TAF5: variants seen among roughly 807,000 people sequenced by gnomAD.
TAF5 encodes transcription initiation factor TFIID subunit 5.
TAF5 carries 20 observed loss-of-function variants against 80.9 expected under a neutral mutation model. That is an observed-to-expected ratio of 0.25 (90% CI 0.17 to 0.36). TAF5 has a LOEUF of 0.36. Among genes scored for constraint, TAF5 ranks in the 10% least tolerant of loss-of-function variants. The probability of loss-of-function intolerance (pLI) is 1.00; values close to 1 mark genes in which losing one functional copy is unlikely to be tolerated. For missense variants in TAF5, 863 were observed against 1,029.4 expected, an observed-to-expected ratio of 0.84 and a Z score of 2.21; for synonymous variants, 388 against 406.4, an observed-to-expected ratio of 0.95 and a Z score of 0.55.
chr10:103,388,328 T>G lies in TAF5; in HGVS notation c.*105T>G, dbSNP rs2093402782. 4 of 1,009,220 alleles carry G rather than the reference T, an allele frequency of 4.0e-6. No individual in the cohort carries two copies. The South Asian group carries it at 6.5e-5, about 16-fold the overall frequency. 62.5% of individuals were successfully genotyped at this position (1,009,220 alleles called of 1,614,324 possible). The stretch of plus-strand genomic sequence containing the variant: ...TTAAGCTACAGAGAATGTTTTTGTC[T>G]ATATGGATCTGGAAGTATGCTGCTT... On this transcript the variant is annotated 3_prime_UTR_variant, in exon 11 of 11. Transcript: ENST00000369839.
chr10:103,383,161 C>T (rs1271124939), intron 6 of TAF5, 77 bp from the exon 7 acceptor site: 1 of 1,351,870 alleles, frequency 7.4e-7, no homozygotes, highest in Non-Finnish European at 9.9e-7. Flanking sequence ...TAATTCCTCT[C>T]CTGCACTGTG....
At chr10:103,383,965 T>A (rs1321468642) in intron 7 of TAF5, among the ~76,000 whole-genome samples, 2 of 151,880 alleles carry the variant, frequency 1.3e-5, no homozygotes, top group African/African-American at 4.8e-5. Context: ...TTTTTTTTTT[T>A]TAATTATTTT....
In TAF5 at chr10:103,368,115, C is replaced by T; in HGVS notation, c.126C>T (p.Asn42=). 1 of 1,406,392 alleles carries T rather than the reference C, an allele frequency of 7.1e-7. No homozygotes were observed. Among genetic ancestry groups the T allele is most frequent in the Non-Finnish European group, 9.2e-7 (1 of 1,081,816 alleles). The allele number at this position is 1,406,392 out of a possible 1,614,324, so 87.1% of individuals were successfully genotyped here. Residue 42 remains asparagine, a synonymous_variant, in exon 1 of 11, where the codon AAC becomes AAT. Coordinates refer to ENST00000369839, the MANE Select transcript of TAF5 (RefSeq NM_006951.5). ...AGGGTAGCGGCGGCACTACCAACAA[C>T]GGCCCCAACGGCGGCGGCGGGAACG... ...AGEGSGGTTN[N]GPNGGGGNVA...
intron 2 of TAF5, among the ~76,000 whole-genome samples, chr10:103,376,752 A>T (rs1160792988): frequency 1.3e-5 from 2 of 152,132 alleles, no homozygotes; most frequent in Non-Finnish European, 2.9e-5. Flanking sequence ...ACAAAAAGTA[A>T]ACAAAAATTG....
At position 103,373,495 on chromosome 10, in the gene TAF5, C is replaced by A. The variant is rs912992685; in HGVS notation, c.697C>A (p.Arg233=). The A allele has an allele frequency of 2.5e-6, 4 of 1,614,074 alleles. No homozygotes were observed. Among genetic ancestry groups the A allele is most frequent in the Admixed American group, 1.7e-5 (1 of 60,004 alleles). ...CATTGAATGTTCCCTGGACTGCCAT[C>A]GGGCAGAGTTGTCCCAACTTTTTTA... The part of the protein sequence containing the change: ...HFIECSLDCH[R]AELSQLFYPL... The change falls in exon 2 of 11, where the codon CGG becomes AGG. Residue 233 remains arginine (R), a synonymous_variant. Coordinates refer to ENST00000369839, the MANE Select transcript of TAF5 (RefSeq NM_006951.5).
chr10:103,370,754 A>C (rs576308989), intron 1 of TAF5, among the ~76,000 whole-genome samples: 1 of 152,302 alleles, frequency 6.6e-6, no homozygotes, highest in East Asian at 1.9e-4. Context: ...CATGCAGTAA[A>C]ACTCATATAC....
chr10:103,371,601 TG>T lies in TAF5; in HGVS notation c.560-1755del, dbSNP rs112488541. Reference sequence around the variant, plus strand: ...AATACTTACGTTTTCTGTTTTGAAGTGGTGGTTATGGAAATTGTCTTAAGCA... The same window carrying T: ...AATACTTACGTTTTCTGTTTTGAAGTGTGGTTATGGAAATTGTCTTAAGCA... On this transcript the variant is annotated intron_variant, in intron 1 of 10. Transcript: ENST00000369839. Among the ~76,000 whole-genome samples, 575 of 152,364 alleles carry T rather than the reference TG, an allele frequency of 3.8e-3. 1 individual carries two copies. Among genetic ancestry groups the T allele is most frequent in the African/African-American group, 0.012 (482 of 41,592 alleles).
chr10:103,380,092 A>C, intron 5 of TAF5, 73 bp downstream of exon 5: 1 of 1,491,652 alleles, frequency 6.7e-7, no homozygotes, highest in Non-Finnish European at 9.0e-7. Context: ...AGAGAGAAAC[A>C]AATGTATTAG....
intron 3 of TAF5, 58 bp from the exon 4 acceptor site, chr10:103,379,549 TA>T: frequency 7.4e-7 from 1 of 1,348,240 alleles, no homozygotes; most frequent in Non-Finnish European, 1.0e-6. Flanking sequence ...TATCAAGATG[TA>T]AAATGGGTAT....
rs968302166 is a variant in TAF5, at chr10:103,368,060, T to C, written c.71T>C (p.Leu24Pro). 64 of 1,433,454 alleles carry C rather than the reference T, an allele frequency of 4.5e-5. No homozygotes were observed. The highest frequency in any genetic ancestry group is 1.8e-4 in the Middle Eastern group (1 of 5,406). The allele number at this position is 1,433,454 out of a possible 1,614,324, so 88.8% of individuals were successfully genotyped here. A position where few individuals can be genotyped will look rare whatever the true frequency, so the allele number is the denominator to read the frequency against. Residue 24 changes from leucine (L) to proline (P), a missense_variant, in exon 1 of 11, where the codon CTA becomes CCA. Physicochemically the swap from Leu to Pro is moderately conservative, Grantham distance 98. Transcript: ENST00000369839. Reference sequence around the variant, plus strand: ...GAGCCTGAGGGACCGCCAACGCTGCTACCTCCGCAGGCGGGGGACGGCGCA... The same window carrying C: ...GAGCCTGAGGGACCGCCAACGCTGCCACCTCCGCAGGCGGGGGACGGCGCA... Reference protein sequence around the residue: ...KLEPEGPPTLLPPQAGDGAGE... With the variant: ...KLEPEGPPTLPPPQAGDGAGE...
Position 103,388,500 on chromosome 10 carries a change from G to T in TAF5, c.*277G>T. Reference sequence around the variant, plus strand: ...GAAACTATGCATTTTCTGTTCAAATGCTATTTTAATTTATTACATTTAGAA... The same window carrying T: ...GAAACTATGCATTTTCTGTTCAAATTCTATTTTAATTTATTACATTTAGAA... On this transcript the variant is annotated 3_prime_UTR_variant, in exon 11 of 11. Coordinates refer to ENST00000369839, the MANE Select transcript of TAF5 (RefSeq NM_006951.5). 1 of 240,646 alleles carries T rather than the reference G, an allele frequency of 4.2e-6. No homozygotes were observed. Among genetic ancestry groups the T allele is most frequent in the Non-Finnish European group, 8.0e-6 (1 of 125,304 alleles). 14.9% of individuals were successfully genotyped at this position (240,646 alleles called of 1,614,324 possible).
Position 103,388,257 on chromosome 10 carries a change from G to A in TAF5, c.*34G>A. 1 of 1,560,722 alleles carries A rather than the reference G, an allele frequency of 6.4e-7. No homozygotes were observed. The highest frequency in any genetic ancestry group is 8.7e-7 in the Non-Finnish European group (1 of 1,149,114). On this transcript the variant is annotated 3_prime_UTR_variant, in exon 11 of 11. Coordinates refer to ENST00000369839, the MANE Select transcript of TAF5 (RefSeq NM_006951.5). Reference sequence around the variant, plus strand: ...TATTAAAGACCTTTTGGAAGCTACTGTTTTTAAAAAGGGAGACTAAAAGCA... The same window carrying A: ...TATTAAAGACCTTTTGGAAGCTACTATTTTTAAAAAGGGAGACTAAAAGCA...
At position 103,388,965 on chromosome 10, in the gene TAF5, A is replaced by G. The variant is rs2133641588; in HGVS notation, c.*742A>G. 6.5e-6 allele frequency: 1 copy of G among 152,788 alleles called. No homozygotes were observed. Among genetic ancestry groups the G allele is most frequent in the East Asian group, 1.9e-4 (1 of 5,196 alleles). The allele number at this position is 152,788 out of a possible 1,614,324, so 9.5% of individuals were successfully genotyped here. A position where few individuals can be genotyped will look rare whatever the true frequency, so the allele number is the denominator to read the frequency against. On this transcript the variant is annotated 3_prime_UTR_variant, in exon 11 of 11. Transcript: ENST00000369839. ...CTTGCTTTGGGAAACTAAAAGATTT[A>G]GACCAAGTCACTGCCAGTTTTTGCC...
intron 10 of TAF5, 55 bp from the exon 11 acceptor site, chr10:103,387,951 G>A: frequency 1.3e-6 from 2 of 1,517,866 alleles, no homozygotes; most frequent in Admixed American, 3.4e-5. Flanking sequence ...TGGACAAAAT[G>A]TCCGAATGTA....
At chr10:103,372,480 G>A (rs1189713417) in intron 1 of TAF5, among the ~76,000 whole-genome samples, 1 of 150,560 alleles carries the variant, frequency 6.6e-6, no homozygotes, top group African/African-American at 2.4e-5. Flanking sequence ...GACTACAGGC[G>A]CCCACTACCA....
At position 103,389,027 on chromosome 10, in the gene TAF5, T is replaced by C. The variant is rs1210115595; in HGVS notation, c.*804T>C. ...TTGTACAGTTTTTATATTTTTGATA[T>C]CTTGTAAATAAAGACAACCAGCTTT... On this transcript the variant is annotated 3_prime_UTR_variant, in exon 11 of 11. Transcript: ENST00000369839. 1 of 152,674 alleles carries C rather than the reference T, an allele frequency of 6.5e-6. No homozygotes were observed. Among genetic ancestry groups the C allele is most frequent in the Non-Finnish European group, 1.5e-5 (1 of 68,054 alleles). 9.5% of individuals were successfully genotyped at this position (152,674 alleles called of 1,614,324 possible). A position where few individuals can be genotyped will look rare whatever the true frequency, so the allele number is the denominator to read the frequency against.
intron 6 of TAF5, among the ~76,000 whole-genome samples, chr10:103,382,587 T>C (rs1416041657): frequency 6.6e-6 from 1 of 151,926 alleles, no homozygotes; most frequent in Non-Finnish European, 1.5e-5. Context: ...TTACTAACTA[T>C]ATTATTTAAA....
In TAF5 at chr10:103,388,064, G is replaced by A. The variant is rs2093401871; in HGVS notation, c.2244G>A (p.Glu748=). 6.2e-7 allele frequency: 1 copy of A among 1,614,070 alleles called. No homozygotes were observed. The highest frequency in any genetic ancestry group is 8.5e-7 in the Non-Finnish European group (1 of 1,179,974). ...WDAIKAFEDL[E]TDDFTTATGH... ...CTATCAAAGCCTTTGAAGATTTAGA[G>A]ACCGATGACTTTACTACAGCCACTG... The change falls in exon 11 of 11, where the codon GAG becomes GAA. Residue 748 remains glutamate, a synonymous_variant. Coordinates refer to ENST00000369839, the MANE Select transcript of TAF5 (RefSeq NM_006951.5).
intron 1 of TAF5, among the ~76,000 whole-genome samples, chr10:103,370,093 G>A (rs1217677786): frequency 6.6e-5 from 10 of 151,294 alleles, no homozygotes; most frequent in African/African-American, 2.4e-4. Context: ...TTAGCCGGGC[G>A]TGGTGGCGCA....
Sources: gnomAD v4.1 joint callset for allele counts (sites outside exome capture counted in the v4.1 genomes callset) on GRCh38, gnomAD v4.1.1 for gene constraint, MANE v1.5 for transcripts, NCBI Gene and HGNC (gene_info 2026-07-23, HGNC 2026-07-21) for gene names.